Variants in LRFN2 observed in about 807,000 individuals in gnomAD.
LRFN2 encodes the protein leucine-rich repeat and fibronectin type-III domain-containing protein 2.
Under a neutral mutation model 37.3 loss-of-function variants are expected in LRFN2, and 18 were observed. The observed-to-expected ratio is 0.48, with a 90% CI of 0.33 to 0.72. The LOEUF (loss-of-function observed/expected upper bound fraction) is 0.72. Among genes scored for constraint, LRFN2 ranks in the 30% least tolerant of loss-of-function variants. The pLI, the probability that LRFN2 is intolerant of heterozygous loss-of-function variation, is 0.02. For missense variants in LRFN2, 1,006 were observed against 1,060.7 expected (o/e 0.95, Z 0.72); for synonymous variants, 556 against 466.6 (o/e 1.19, Z -2.47).
chr6:40,572,331 T>C (rs1007888495), intron 1 of LRFN2, among the ~76,000 whole-genome samples: 1 of 152,214 alleles, frequency 6.6e-6, no homozygotes, highest in Non-Finnish European at 1.5e-5. Flanking sequence ...GAGAACTTTC[T>C]AGATCAGCAT....
chr6:40,552,971 T>A (rs985063325), intron 1 of LRFN2, among the ~76,000 whole-genome samples: 34 of 152,226 alleles, frequency 2.2e-4, no homozygotes, highest in African/African-American at 8.2e-4. Context: ...ACTCAGCTAT[T>A]CAACAAGTTA....
intron 1 of LRFN2, among the ~76,000 whole-genome samples, chr6:40,576,671 CAGGCTGATCACAGAGCCCTAGA>C (rs1432746631): frequency 6.6e-6 from 1 of 152,302 alleles, no homozygotes; most frequent in East Asian, 1.9e-4. Context: ...ATTTACGGAA[CAGGCTGATCACAGAGCCCTAGA>C]AGGAGCTCAG....
intron 1 of LRFN2, among the ~76,000 whole-genome samples, chr6:40,545,646 G>C (rs951825758): frequency 6.6e-6 from 1 of 152,088 alleles, no homozygotes; most frequent in East Asian, 1.9e-4. Context: ...AGAGAGAGGG[G>C]AGAGGATAAT....
At chr6:40,485,065 GGAAA>G (rs1225992727) in intron 1 of LRFN2, among the ~76,000 whole-genome samples, 2 of 152,194 alleles carry the variant, frequency 1.3e-5, no homozygotes, top group East Asian at 3.8e-4. Context: ...ACCTTGTGTA[GGAAA>G]GAAAGATCAT....
chr6:40,443,334 A>G (rs1394417596), intron 1 of LRFN2, among the ~76,000 whole-genome samples: 1 of 152,220 alleles, frequency 6.6e-6, no homozygotes, highest in Non-Finnish European at 1.5e-5. Context: ...AACAGCCGCA[A>G]TAGGGAAAAG....
intron 1 of LRFN2, among the ~76,000 whole-genome samples, chr6:40,563,658 C>T (rs1051145987): frequency 6.6e-6 from 1 of 152,132 alleles, no homozygotes; most frequent in African/African-American, 2.4e-5. Context: ...TGCCATGAGT[C>T]CTGGGGGCTA....
At chr6:40,412,916 T>C (rs537904547) in intron 2 of LRFN2, among the ~76,000 whole-genome samples, 3 of 152,272 alleles carry the variant, frequency 2.0e-5, no homozygotes, top group African/African-American at 7.2e-5. Flanking sequence ...AGCTCAGCTT[T>C]AAGTGGGTGG....
intron 1 of LRFN2, among the ~76,000 whole-genome samples, chr6:40,522,937 C>T (rs115803201): frequency 0.013 from 1,984 of 152,306 alleles, 28 homozygotes; most frequent in African/African-American, 0.044. Flanking sequence ...GTGAATGCAC[C>T]TGTCTGGAAG....
chr6:40,525,240 C>T (rs1317092680), intron 1 of LRFN2, among the ~76,000 whole-genome samples: 1 of 152,202 alleles, frequency 6.6e-6, no homozygotes, highest in African/African-American at 2.4e-5. Context: ...TCGCCCCTGG[C>T]TGGAGCAGTC....
At chr6:40,393,715 C>G (rs925754836) in intron 2 of LRFN2, among the ~76,000 whole-genome samples, 1 of 152,152 alleles carries the variant, frequency 6.6e-6, no homozygotes, top group African/African-American at 2.4e-5. Flanking sequence ...CTTGCTCCAG[C>G]CCTCCTGTGA....
chr6:40,451,354 G>A (rs1764100816), intron 1 of LRFN2, among the ~76,000 whole-genome samples: 1 of 152,172 alleles, frequency 6.6e-6, no homozygotes, highest in Admixed American at 6.5e-5. Context: ...ACTCCATGAA[G>A]AGAGGCTGGA....
At chr6:40,457,658 A>AAG (rs1561863772) in intron 1 of LRFN2, among the ~76,000 whole-genome samples, 1 of 149,134 alleles carries the variant, frequency 6.7e-6, no homozygotes, top group African/African-American at 2.5e-5. Context: ...AAAAAAAAAA[A>AAG]AGAGAGGGAG....
At chr6:40,421,722 T>A (rs944252441) in intron 2 of LRFN2, among the ~76,000 whole-genome samples, 1 of 152,018 alleles carries the variant, frequency 6.6e-6, no homozygotes, top group African/African-American at 2.4e-5. Context: ...CATGGCCAAG[T>A]TTTTTCAGGT....
intron 1 of LRFN2, among the ~76,000 whole-genome samples, chr6:40,442,015 C>T (rs1286305499): frequency 6.6e-6 from 1 of 152,154 alleles, no homozygotes; most frequent in Non-Finnish European, 1.5e-5. Context: ...AAGGACTTCC[C>T]CAGCAGATCC....
chr6:40,482,102 CT>C (rs34947678), intron 1 of LRFN2, among the ~76,000 whole-genome samples: 38 of 152,240 alleles, frequency 2.5e-4, no homozygotes, highest in African/African-American at 9.1e-4. Flanking sequence ...GGGGCTGGCC[CT>C]TGTATCCCTT....
intron 2 of LRFN2, among the ~76,000 whole-genome samples, chr6:40,416,489 T>C (rs1184111980): frequency 6.6e-6 from 1 of 152,194 alleles, no homozygotes; most frequent in Non-Finnish European, 1.5e-5. Context: ...TTGGCCTGGA[T>C]GAGCTTGAAC....
intron 1 of LRFN2, among the ~76,000 whole-genome samples, chr6:40,500,907 G>A (rs1765366243): frequency 1.3e-5 from 2 of 151,440 alleles, no homozygotes; most frequent in African/African-American, 2.4e-5. Context: ...GTGAATGACG[G>A]GTGGTGGTAT....
chr6:40,495,683 G>T (rs901542236), intron 1 of LRFN2, among the ~76,000 whole-genome samples: 5 of 152,294 alleles, frequency 3.3e-5, no homozygotes, highest in Middle Eastern at 3.4e-3. Context: ...GAGCTAGTCA[G>T]TTTACCCCCA....
chr6:40,402,553 T>A (rs909854570), intron 2 of LRFN2, among the ~76,000 whole-genome samples: 1 of 152,240 alleles, frequency 6.6e-6, no homozygotes, highest in African/African-American at 2.4e-5. Context: ...CATGTATTAG[T>A]TAATTTAACC....
Sources: gnomAD v4.1 joint callset for allele counts (sites outside exome capture counted in the v4.1 genomes callset) on GRCh38, gnomAD v4.1.1 for gene constraint, MANE v1.5 for transcripts, NCBI Gene and HGNC (gene_info 2026-07-23, HGNC 2026-07-21) for gene names.